Variants in HIPK2 observed in about 807,000 individuals in gnomAD.
The protein encoded by HIPK2 is homeodomain interacting protein kinase 2.
HIPK2 carries 27 observed loss-of-function variants against 113.7 expected under a neutral mutation model. The observed-to-expected ratio is 0.24, with a 90% CI of 0.17 to 0.33. The LOEUF is 0.33. Among genes scored for constraint, HIPK2 ranks in the 10% least tolerant of loss-of-function variants. HIPK2 has a pLI of 1.00. For missense variants in HIPK2, 1,257 were observed against 1,588.0 expected (o/e 0.79, Z 3.54); for synonymous variants, 631 against 642.2 (o/e 0.98, Z 0.26).
chr7:139,760,588 G>A (rs1211632620), intron 1 of HIPK2, among the ~76,000 whole-genome samples: 1 of 152,006 alleles, frequency 6.6e-6, no homozygotes, highest in Non-Finnish European at 1.5e-5. Context: ...ATAAATATTG[G>A]TATTTCGAAA....
In HIPK2 at chr7:139,565,962, A is replaced by C. The variant is rs1375437491; in HGVS notation, c.*6965T>G. 1 of 152,194 alleles carries C rather than the reference A, an allele frequency of 6.6e-6. No individual in the cohort carries two copies. The highest frequency in any genetic ancestry group is 6.5e-5 in the Admixed American group (1 of 15,280). 9.4% of individuals were successfully genotyped at this position (152,194 alleles called of 1,614,324 possible). A position where few individuals can be genotyped will look rare whatever the true frequency, so the allele number is the denominator to read the frequency against. ...TATAAGCAAGAAAAACTTATTTTTT[A>C]AAGAAGAAAAGAATACTTTTTCACT... On this transcript the variant is annotated 3_prime_UTR_variant, in exon 15 of 15. Coordinates refer to ENST00000406875, the MANE Select transcript of HIPK2 (RefSeq NM_022740.5).
At chr7:139,736,750 AG>A (rs1795949883) in intron 1 of HIPK2, among the ~76,000 whole-genome samples, 1 of 152,252 alleles carries the variant, frequency 6.6e-6, no homozygotes, top group African/African-American at 2.4e-5. Context: ...GGAACCACAA[AG>A]GCCAATCAAA....
chr7:139,758,540 A>C (rs1434123438), intron 1 of HIPK2, among the ~76,000 whole-genome samples: 2 of 152,266 alleles, frequency 1.3e-5, no homozygotes, highest in East Asian at 3.9e-4. Flanking sequence ...GAACCAGGCC[A>C]CACAGCAGGA....
chr7:139,721,765 C>G (rs1422358110), intron 1 of HIPK2, among the ~76,000 whole-genome samples: 1 of 152,280 alleles, frequency 6.6e-6, no homozygotes, highest in East Asian at 1.9e-4. Context: ...AGGGGGACTA[C>G]TGGACTTGGG....
At chr7:139,638,783 G>A (rs1412482545) in intron 2 of HIPK2, among the ~76,000 whole-genome samples, 4 of 150,276 alleles carry the variant, frequency 2.7e-5, no homozygotes, top group Non-Finnish European at 4.4e-5. Context: ...TCAGCCTCCT[G>A]AGTAGTTGGG....
At chr7:139,731,618 G>A (rs1795785750) in intron 1 of HIPK2, among the ~76,000 whole-genome samples, 1 of 152,108 alleles carries the variant, frequency 6.6e-6, no homozygotes, top group Non-Finnish European at 1.5e-5. Context: ...GTATTTCTTT[G>A]AGCATTTCTC....
intron 6 of HIPK2, among the ~76,000 whole-genome samples, chr7:139,623,711 C>T (rs933304936): frequency 7.2e-5 from 11 of 152,026 alleles, no homozygotes; most frequent in Admixed American, 1.3e-4. Context: ...AAATGGAGGC[C>T]CCACTATCCA....
At position 139,676,478 on chromosome 7, in the gene HIPK2, T is replaced by C. The variant is rs147426141; in HGVS notation, c.1103+39454A>G. Among the ~76,000 whole-genome samples, 424 of 152,322 alleles carry C rather than the reference T, an allele frequency of 2.8e-3. 2 individuals carry two copies. The highest frequency in any genetic ancestry group is 6.8e-3 in the Middle Eastern group (2 of 294). On this transcript the variant is annotated intron_variant, in intron 2 of 14. Transcript: ENST00000406875. Reference sequence around the variant, plus strand: ...TTGTGCTCACCCAATGTGATCCATTTAACAGATATTTGTTGGTTACCCACC... The same window carrying C: ...TTGTGCTCACCCAATGTGATCCATTCAACAGATATTTGTTGGTTACCCACC...
chr7:139,631,576 T>A lies in HIPK2; in HGVS notation c.1227+26A>T. ...TTTCCAGATGAAGAATGAGGTCTTG[T>A]GAATATCTGTGTCATCTGGACCCAC... On this transcript the variant is annotated intron_variant, in intron 3 of 14. Coordinates refer to ENST00000406875, the MANE Select transcript of HIPK2 (RefSeq NM_022740.5). This position sits in a 1 kb window ranked among gnomAD's most constrained non-coding sequence, Gnocchi z 4.9. 6.2e-7 allele frequency: 1 copy of A among 1,606,658 alleles called. No individual in the cohort carries two copies. Among genetic ancestry groups the A allele is most frequent in the Non-Finnish European group, 8.5e-7 (1 of 1,177,118 alleles).
At position 139,626,567 on chromosome 7, in the gene HIPK2, A is replaced by C. The variant is rs755594996; in HGVS notation, c.1619+34T>G. The C allele has an allele frequency of 3.1e-6, 5 of 1,595,534 alleles. No individual in the cohort carries two copies. The South Asian group carries it at 4.5e-5, about 14-fold the overall frequency. On this transcript the variant is annotated intron_variant, in intron 6 of 14. Coordinates refer to ENST00000406875, the MANE Select transcript of HIPK2 (RefSeq NM_022740.5). ...GTGTCTGGGCCTTTAAAGTTTGCCGATCCCTGGTACGAAGCATCAGGCAGG... is the reference window on the plus strand; with the variant it reads ...GTGTCTGGGCCTTTAAAGTTTGCCGCTCCCTGGTACGAAGCATCAGGCAGG...
At chr7:139,722,849 C>G (rs1021234713) in intron 1 of HIPK2, among the ~76,000 whole-genome samples, 1 of 151,882 alleles carries the variant, frequency 6.6e-6, no homozygotes, top group African/African-American at 2.4e-5. Context: ...CCCAGAAGTT[C>G]AAACCTAGAT....
At chr7:139,626,813 AG>A in intron 5 of HIPK2, 28 bp from the exon 6 acceptor site, 1 of 1,612,206 alleles carries the variant, frequency 6.2e-7, no homozygotes, top group Non-Finnish European at 8.5e-7. Flanking sequence ...CAGGTTACCA[AG>A]GAAGACCCCA....
intron 2 of HIPK2, among the ~76,000 whole-genome samples, chr7:139,657,607 T>TGG (rs1801717856): frequency 6.6e-6 from 1 of 152,212 alleles, no homozygotes; most frequent in African/African-American, 2.4e-5. Flanking sequence ...CTCTGCACAA[T>TGG]GTTCAGTTTC....
intron 1 of HIPK2, among the ~76,000 whole-genome samples, chr7:139,736,796 A>C (rs1029227524): frequency 6.6e-6 from 1 of 152,250 alleles, no homozygotes; most frequent in Admixed American, 6.5e-5. Context: ...CATGTTACGC[A>C]TAAGATATTA....
Position 139,638,100 on chromosome 7 carries a change from C to T in HIPK2, c.1104-6375G>A, listed in dbSNP as rs374681154. Among the ~76,000 whole-genome samples, 25 of 152,268 alleles carry T rather than the reference C, an allele frequency of 1.6e-4. No homozygotes were observed. The South Asian group carries it at 3.9e-3, about 24-fold the overall frequency. On this transcript the variant is annotated intron_variant, in intron 2 of 14. Coordinates refer to ENST00000406875, the MANE Select transcript of HIPK2 (RefSeq NM_022740.5). ...TCTTATTTTATGGCCATTGTCATTA[C>T]GCCCTCTAGAGCCTCCACCTTAGCT...
Position 139,563,224 on chromosome 7 carries a change from C to CTT in HIPK2, c.*9701_*9702dup, listed in dbSNP as rs1797998064. On this transcript the variant is annotated 3_prime_UTR_variant, in exon 15 of 15. Transcript: ENST00000406875. ...TCACTTTCTACTTCCCAAGTTCCTC[C>CTT]TTATAACCTGAGCCAAACAATTTCA... 6.6e-6 allele frequency: 1 copy of CTT among 152,664 alleles called. No homozygotes were observed. Among genetic ancestry groups the CTT allele is most frequent in the Non-Finnish European group, 1.5e-5 (1 of 68,062 alleles). 9.5% of individuals were successfully genotyped at this position (152,664 alleles called of 1,614,324 possible). A position where few individuals can be genotyped will look rare whatever the true frequency, so the allele number is the denominator to read the frequency against.
At chr7:139,755,557 T>G (rs1490851839) in intron 1 of HIPK2, among the ~76,000 whole-genome samples, 1 of 152,240 alleles carries the variant, frequency 6.6e-6, no homozygotes, top group Non-Finnish European at 1.5e-5. Context: ...AATCCCCACC[T>G]AACTCTTTTT....
chr7:139,772,952 A>G (rs1796678037), intron 1 of HIPK2, among the ~76,000 whole-genome samples: 1 of 151,868 alleles, frequency 6.6e-6, no homozygotes, highest in South Asian at 2.1e-4. Context: ...CTAAAAAAAA[A>G]AAGGAGAAGA....
intron 2 of HIPK2, among the ~76,000 whole-genome samples, chr7:139,700,859 C>T (rs1794686924): frequency 6.6e-6 from 1 of 152,240 alleles, no homozygotes; most frequent in Non-Finnish European, 1.5e-5. Flanking sequence ...TCTGCAGAGC[C>T]ATGCACATAG....
Sources: gnomAD v4.1 joint callset for allele counts (sites outside exome capture counted in the v4.1 genomes callset) on GRCh38, gnomAD v4.1.1 for gene constraint, Gnocchi (gnomAD v3.1) non-coding constraint, MANE v1.5 for transcripts, NCBI Gene and HGNC (gene_info 2026-07-23, HGNC 2026-07-21) for gene names.